Variants in MORC2 observed in about 807,000 individuals in gnomAD.
MORC2 encodes ATPase MORC2.
A neutral mutation model predicts 136.0 loss-of-function variants in MORC2; 30 were observed. That is an observed-to-expected ratio of 0.22 (90% CI 0.17 to 0.30). The LOEUF (loss-of-function observed/expected upper bound fraction) is 0.30. Ranked by LOEUF, MORC2 falls within the 10% of genes least tolerant of loss-of-function variation. The pLI, the probability that MORC2 is intolerant of heterozygous loss-of-function variation, is 1.00. For missense variants in MORC2, 922 were observed against 1,333.1 expected (o/e 0.69, Z 4.80); for synonymous variants, 439 against 487.0 (o/e 0.90, Z 1.30).
Position 30,938,056 on chromosome 22 carries a change from A to G in MORC2, c.1214+9T>C, listed in dbSNP as rs771354594. 1.3e-5 allele frequency: 21 copies of G among 1,614,026 alleles called. No homozygotes were observed. The highest frequency in any genetic ancestry group is 1.5e-5 in the Non-Finnish European group (18 of 1,180,024). On this transcript the variant is annotated intron_variant, in intron 13 of 25. Coordinates refer to ENST00000397641, the MANE Select transcript of MORC2 (RefSeq NM_001303256.3). ...CTGGGCTAGACAGCTCTCTGTGGGTAGTACTCACATGCCCCCTTCCAGCTG... is the reference window on the plus strand; with the variant it reads ...CTGGGCTAGACAGCTCTCTGTGGGTGGTACTCACATGCCCCCTTCCAGCTG...
At chr22:30,947,345 A>G (rs2040832048) in intron 5 of MORC2, among the ~76,000 whole-genome samples, 1 of 152,244 alleles carries the variant, frequency 6.6e-6, no homozygotes, top group Non-Finnish European at 1.5e-5. Context: ...CAGGCAACGC[A>G]GGGCAGGGCA....
At chr22:30,939,442 T>C (rs2040707638) in intron 12 of MORC2, among the ~76,000 whole-genome samples, 179 bp downstream of exon 12, 3 of 152,218 alleles carry the variant, frequency 2.0e-5, no homozygotes, top group Admixed American at 2.0e-4. Context: ...AGCCCTGCCC[T>C]GTCTTTATGA....
At chr22:30,962,802 C>T (rs1489106286) in intron 1 of MORC2, among the ~76,000 whole-genome samples, 2 of 152,048 alleles carry the variant, frequency 1.3e-5, no homozygotes, top group African/African-American at 4.8e-5. Context: ...TCTTCCAGAC[C>T]TCCAACTGAT....
Position 30,949,852 on chromosome 22 carries a change from C to T in MORC2, c.227-10G>A. On this transcript the variant is annotated splice_polypyrimidine_tract_variant and intron_variant, in intron 4 of 25. Transcript: ENST00000397641. ...ACACTGGCAGCATCACCTGAAAGGGCAGACACAAGAGAAAGTGAAAAGTTT... is the reference window on the plus strand; with the variant it reads ...ACACTGGCAGCATCACCTGAAAGGGTAGACACAAGAGAAAGTGAAAAGTTT... The T allele has an allele frequency of 6.2e-7, 1 of 1,613,392 alleles. No homozygotes were observed.
At chr22:30,928,374 A>C in intron 24 of MORC2, 167 bp from the exon 25 acceptor site, 1 of 651,240 alleles carries the variant, frequency 1.5e-6, no homozygotes, top group South Asian at 1.9e-5. Context: ...GAGTAGAGAG[A>C]CATCAATGCC....
chr22:30,956,332 C>T (rs934067877), intron 3 of MORC2, among the ~76,000 whole-genome samples: 1 of 152,194 alleles, frequency 6.6e-6, no homozygotes, highest in African/African-American at 2.4e-5. Context: ...TTTTCCGCAA[C>T]CGATACCAGC....
At position 30,937,773 on chromosome 22, in the gene MORC2, G is replaced by A. The variant is rs1009490866; in HGVS notation, c.1369+42C>T. 5 of 1,613,830 alleles carry A rather than the reference G, an allele frequency of 3.1e-6. No homozygotes were observed. The highest frequency in any genetic ancestry group is 2.7e-5 in the African/African-American group (2 of 74,888). ...AGCCTCTCTCTCTCCCTACATTCAG[G>A]TGAAGAGAAAAGGCAGAGGCCCAGC... is the stretch of plus-strand genomic sequence containing the variant. On this transcript the variant is annotated intron_variant, in intron 14 of 25. Transcript: ENST00000397641. The surrounding 1 kb of genome is among the most constrained non-coding windows in gnomAD (Gnocchi z 4.7).
At chr22:30,956,259 C>G (rs1262944550) in intron 3 of MORC2, among the ~76,000 whole-genome samples, 1 of 152,102 alleles carries the variant, frequency 6.6e-6, no homozygotes, top group Non-Finnish European at 1.5e-5. Context: ...AGCCAAGCAG[C>G]CTTCCTTCCT....
intron 2 of MORC2, among the ~76,000 whole-genome samples, chr22:30,957,255 C>T (rs1038529800): frequency 2.6e-5 from 4 of 152,216 alleles, no homozygotes; most frequent in Non-Finnish European, 5.9e-5. Context: ...TGAAAAATCA[C>T]TTCTCGTGGT....
At chr22:30,960,883 G>A (rs184412461) in intron 1 of MORC2, among the ~76,000 whole-genome samples, 1 of 141,286 alleles carries the variant, frequency 7.1e-6, no homozygotes, top group African/African-American at 2.6e-5. Context: ...TTTTTGTTTT[G>A]AGACAGAGTC....
chr22:30,967,419 G>T (rs1029139526), intron 1 of MORC2: 1 of 988,592 alleles, frequency 1.0e-6, no homozygotes, highest in Non-Finnish European at 1.2e-6. Flanking sequence ...TTGTTAGAAA[G>T]TAAACACTTG....
chr22:30,951,271 T>C (rs2040882357), intron 3 of MORC2, among the ~76,000 whole-genome samples: 1 of 152,228 alleles, frequency 6.6e-6, no homozygotes, highest in Non-Finnish European at 1.5e-5. Context: ...TCAGCAGTTG[T>C]CTTCTGCAGC....
chr22:30,957,647 A>G (rs898232709), intron 2 of MORC2, among the ~76,000 whole-genome samples: 1 of 152,234 alleles, frequency 6.6e-6, no homozygotes, highest in African/African-American at 2.4e-5. Context: ...ACCGCACATC[A>G]TGGTCTCACT....
Position 30,932,200 on chromosome 22 carries a change from T to G in MORC2, c.2841+159A>C. Reference sequence around the variant, plus strand: ...TTTTTTCCCACATCATAAACTCTCCTCTTCTTTCAGCAGGAGAGAGGCTGG... The same window carrying G: ...TTTTTTCCCACATCATAAACTCTCCGCTTCTTTCAGCAGGAGAGAGGCTGG... On this transcript the variant is annotated intron_variant, in intron 24 of 25. Coordinates refer to ENST00000397641, the MANE Select transcript of MORC2 (RefSeq NM_001303256.3). The surrounding 1 kb of genome is among the most constrained non-coding windows in gnomAD (Gnocchi z 4.4). 1 of 730,674 alleles carries G rather than the reference T, an allele frequency of 1.4e-6. No homozygotes were observed. Among genetic ancestry groups the G allele is most frequent in the East Asian group, 2.6e-5 (1 of 38,580 alleles). 45.3% of individuals were successfully genotyped at this position (730,674 alleles called of 1,614,324 possible).
At position 30,933,006 on chromosome 22, in the gene MORC2, C is replaced by T. The variant is rs2040598254; in HGVS notation, c.2405G>A (p.Arg802His). 5 of 1,614,142 alleles carry T rather than the reference C, an allele frequency of 3.1e-6. No homozygotes were observed. Among genetic ancestry groups the T allele is most frequent in the African/African-American group, 2.7e-5 (2 of 75,054 alleles). ...GCCCGTGTACCACTCCCTGTTCACA[C>T]GCACCTCCACGTGCAGCCCTTTATC... ...QKDKGLHVEV[R>H]VNREWYTGRV... is the part of the protein sequence containing the mutation. Residue 802 changes from arginine to histidine, a missense_variant, in exon 22 of 26, where the codon CGT becomes CAT. Around this residue, in one of 9 missense-constraint regions of MORC2, gnomAD observed 263 missense variants for 388.3 expected, o/e 0.68. Transcript: ENST00000397641.
At chr22:30,928,296 T>TTTACCCAAGGATGCCTGGTCTGAAGGA (rs1418437079) in intron 24 of MORC2, 89 bp from the exon 25 acceptor site, 16 of 1,318,334 alleles carry the variant, frequency 1.2e-5, no homozygotes, top group Non-Finnish European at 1.5e-5. Flanking sequence ...TCCAGCCCGC[T>TTTACCCAAGGATGCCTGGTCTGAAGGA]TTACCCAAGG....
rs2040639584 is a variant in MORC2 at position 30,935,436 on chromosome 22, C to G, written c.1738-114G>C. The G allele has an allele frequency of 3.0e-6, 3 of 1,004,506 alleles. No homozygotes were observed. The African/African-American group carries it at 4.9e-5, about 16-fold the overall frequency. The allele number at this position is 1,004,506 out of a possible 1,614,324, so 62.2% of individuals were successfully genotyped here. A position where few individuals can be genotyped will look rare whatever the true frequency, so the allele number is the denominator to read the frequency against. On this transcript the variant is annotated intron_variant, in intron 17 of 25. Coordinates refer to ENST00000397641, the MANE Select transcript of MORC2 (RefSeq NM_001303256.3). Reference sequence around the variant, plus strand: ...AAAAATAGAAAACCTGAGCCATAGTCCTACTCTTACAAACCTCCTGTTCTC... The same window carrying G: ...AAAAATAGAAAACCTGAGCCATAGTGCTACTCTTACAAACCTCCTGTTCTC...
chr22:30,952,743 T>C (rs914026391), intron 3 of MORC2, among the ~76,000 whole-genome samples: 35 of 152,232 alleles, frequency 2.3e-4, no homozygotes, highest in Non-Finnish European at 7.3e-5. Context: ...GACTACTTAG[T>C]GATCAGCTCT....
chr22:30,951,439 AG>A (rs2040884866), intron 3 of MORC2, among the ~76,000 whole-genome samples: 1 of 152,236 alleles, frequency 6.6e-6, no homozygotes, highest in African/African-American at 2.4e-5. Context: ...CTTGGAATCA[AG>A]GAAGTTGGTA....
Sources: allele counts gnomAD v4.1 joint callset (sites outside exome capture counted in the v4.1 genomes callset), GRCh38; gene constraint gnomAD v4.1.1; regional missense constraint gnomAD v4.1.1; non-coding constraint Gnocchi (gnomAD v3.1); transcripts MANE v1.5; gene names NCBI Gene and HGNC (gene_info 2026-07-23, HGNC 2026-07-21).